IFI16: variants seen among roughly 807,000 people sequenced by gnomAD.
IFI16 encodes gamma-interferon-inducible protein 16.
IFI16 carries 49 observed loss-of-function variants against 68.4 expected under a neutral mutation model. The ratio of observed to expected loss-of-function variants is 0.72; its 90% CI spans 0.57 to 0.91. IFI16 has a LOEUF of 0.91. IFI16 is among the 40% of genes least tolerant of loss of function. The pLI, the probability that IFI16 is intolerant of heterozygous loss-of-function variation, is 0.00. For synonymous variants in IFI16, 307 were observed against 315.0 expected, an observed-to-expected ratio of 0.97 and a Z score of 0.27; for missense variants, 878 against 942.9, an observed-to-expected ratio of 0.93 and a Z score of 0.90.
In IFI16 at chr1:159,014,765, C is replaced by A; in HGVS notation, c.85C>A (p.Leu29Met). The A allele has an allele frequency of 6.2e-7, 1 of 1,612,018 alleles. No individual in the cohort carries two copies. The change falls in exon 2 of 12, where the codon CTG (leucine) becomes ATG (methionine). Residue 29 changes from leucine to methionine, a missense_variant. Around this residue, in one of 4 missense-constraint regions of IFI16, gnomAD observed 65 missense variants for 96.9 expected, o/e 0.67. Transcript: ENST00000295809. ...TCATTTTAGAATGGTTAAGTCCTTA[C>A]TGAGCAACGATTTAAAACTTAATTT... Reference protein sequence around the residue: ...DYHFRMVKSLLSNDLKLNLKM... With the variant: ...DYHFRMVKSLMSNDLKLNLKM...
intron 1 of IFI16, among the ~76,000 whole-genome samples, chr1:159,013,323 C>T (rs1401324844): frequency 6.6e-6 from 1 of 151,874 alleles, no homozygotes; most frequent in Non-Finnish European, 1.5e-5. Context: ...CGCTTGCCAC[C>T]ACACCTGGCT....
chr1:159,052,454 A>G, intron 10 of IFI16: 2 of 185,926 alleles, frequency 1.1e-5, no homozygotes, highest in East Asian at 2.6e-4. Context: ...CTCCATCTGT[A>G]TCAATGACAA....
Position 159,054,851 on chromosome 1 carries a change from A to G in IFI16, c.2308A>G (p.Ile770Val), listed in dbSNP as rs1460959396. The G allele has an allele frequency of 1.9e-6, 3 of 1,604,834 alleles. No homozygotes were observed. The highest frequency in any genetic ancestry group is 2.6e-6 in the Non-Finnish European group (3 of 1,173,278). ...VIKTRKNKKD[I>V]LNPDSSMETS... ...CAAGACCAGGAAAAACAAGAAAGAC[A>G]TACTCAATCCTGATTCAAGTATGGA... The change falls in exon 12 of 12, where the codon ATA becomes GTA. Residue 770 changes from isoleucine to valine, a missense_variant. By Grantham distance (29) the Ile-to-Val change is conservative. This residue lies in a region of IFI16 where 311 missense variants were observed against 305.1 expected (regional missense o/e 1.02). Transcript: ENST00000295809.
chr1:159,027,061 T>C (rs1246963658), intron 6 of IFI16, among the ~76,000 whole-genome samples: 1 of 152,222 alleles, frequency 6.6e-6, no homozygotes, highest in Non-Finnish European at 1.5e-5. Context: ...TCCATTACTA[T>C]GTTGAATAGA....
intron 7 of IFI16, among the ~76,000 whole-genome samples, chr1:159,037,593 T>C (rs1333259922): frequency 6.6e-6 from 1 of 152,216 alleles, no homozygotes; most frequent in Non-Finnish European, 1.5e-5. Context: ...AATCAGCTAC[T>C]ATATTAAAAT....
intron 8 of IFI16, among the ~76,000 whole-genome samples, chr1:159,045,995 G>T (rs1050730634): frequency 6.6e-6 from 1 of 151,130 alleles, no homozygotes; most frequent in African/African-American, 2.4e-5. Context: ...TTCTCTCAGA[G>T]TAAATCACAT....
In IFI16 at chr1:159,051,671, C is replaced by T. The variant is rs751568876; in HGVS notation, c.1666-8C>T. ...ATTGTGCCTATGTTTTGGTCTCTAC[C>T]TTCTAAGTTGAAACCAAGACTGAAG... On this transcript the variant is annotated splice_region_variant and splice_polypyrimidine_tract_variant and intron_variant, in intron 9 of 11. Transcript: ENST00000295809. 6.2e-7 allele frequency: 1 copy of T among 1,603,248 alleles called. No individual in the cohort carries two copies. Among genetic ancestry groups the T allele is most frequent in the South Asian group, 1.1e-5 (1 of 90,360 alleles).
intron 6 of IFI16, among the ~76,000 whole-genome samples, chr1:159,029,390 C>T (rs1212760603): frequency 6.6e-6 from 1 of 152,144 alleles, no homozygotes; most frequent in African/African-American, 2.4e-5. Context: ...TTATAAATTA[C>T]CTGATACTTT....
In IFI16 at chr1:159,014,797, G is replaced by T; in HGVS notation, c.117G>T (p.Met39Ile). Reference sequence around the variant, plus strand: ...ACGATTTAAAACTTAATTTAAAAATGAGAGAAGAGTATGACAAAATTCAGA... The same window carrying T: ...ACGATTTAAAACTTAATTTAAAAATTAGAGAAGAGTATGACAAAATTCAGA... ...LSNDLKLNLK[M>I]REEYDKIQIA... Residue 39 changes from methionine to isoleucine, a missense_variant, in exon 2 of 12, where the codon ATG (methionine) becomes ATT (isoleucine). Physicochemically the swap from Met to Ile is conservative, Grantham distance 10 (BLOSUM62 1). Transcript: ENST00000295809. 1.2e-6 allele frequency: 2 copies of T among 1,613,964 alleles called. No homozygotes were observed. Among genetic ancestry groups the T allele is most frequent in the Non-Finnish European group, 1.7e-6 (2 of 1,179,822 alleles).
chr1:159,020,930 A>G (rs1170029491), intron 6 of IFI16, among the ~76,000 whole-genome samples: 2 of 152,114 alleles, frequency 1.3e-5, no homozygotes, highest in Non-Finnish European at 2.9e-5. Context: ...CCATAAAAAT[A>G]CCTAATTTGA....
At chr1:159,036,561 C>T (rs2101885417) in intron 7 of IFI16, among the ~76,000 whole-genome samples, 1 of 152,170 alleles carries the variant, frequency 6.6e-6, no homozygotes, top group East Asian at 1.9e-4. Flanking sequence ...CTTCCAAAGT[C>T]AGAATATAGA....
At chr1:159,019,300 T>C (rs1283085701) in intron 5 of IFI16, among the ~76,000 whole-genome samples, 1 of 151,802 alleles carries the variant, frequency 6.6e-6, no homozygotes, top group Non-Finnish European at 1.5e-5. Flanking sequence ...TTTCCTGATA[T>C]GTTCCTGTCC....
In IFI16 at chr1:159,018,452, T is replaced by G; in HGVS notation, c.773T>G (p.Ile258Ser). 6.2e-7 allele frequency: 1 copy of G among 1,613,444 alleles called. No individual in the cohort carries two copies. Among genetic ancestry groups the G allele is most frequent in the Non-Finnish European group, 8.5e-7 (1 of 1,179,394 alleles). Residue 258 changes from isoleucine to serine, a missense_variant, in exon 5 of 12, where the codon ATC becomes AGC. Physicochemically the swap from Ile to Ser is moderately radical, Grantham distance 142. Around this residue, in one of 4 missense-constraint regions of IFI16, gnomAD observed 443 missense variants for 421.8 expected, o/e 1.05. Coordinates refer to ENST00000295809, the MANE Select transcript of IFI16 (RefSeq NM_001376587.1). ...SLKEKFNGKKIIIISDYLEYD... is the reference protein window; with the variant it reads ...SLKEKFNGKKSIIISDYLEYD... ...AAGGAGAAATTCAATGGAAAGAAAA[T>G]CATCATCATATCAGATTATTTGGAA...
At chr1:159,026,328 G>C (rs1484145406) in intron 6 of IFI16, among the ~76,000 whole-genome samples, 4 of 143,310 alleles carry the variant, frequency 2.8e-5, no homozygotes, top group African/African-American at 1.0e-4. Flanking sequence ...ACGAAGTCTC[G>C]CTCTTGTCCC....
chr1:159,032,400 G>T, intron 6 of IFI16, 124 bp from the exon 7 acceptor site: 1 of 564,144 alleles, frequency 1.8e-6, no homozygotes. Context: ...ACATTAGAGA[G>T]AGACCATGTT....
rs1280725270 is a variant in IFI16, at chr1:159,040,152, A to G, written c.1330-5145A>G. Among the ~76,000 whole-genome samples, 3 of 152,380 alleles carry G rather than the reference A, an allele frequency of 2.0e-5. No homozygotes were observed. In the East Asian group the frequency reaches 5.8e-4, roughly 29 times the overall value. On this transcript the variant is annotated intron_variant, in intron 7 of 11. Transcript: ENST00000295809. ...GTCAAGAGAATGGGTAAATTAGGGA[A>G]CATGATGTTGAATTGAAATTAAATA...
intron 9 of IFI16, among the ~76,000 whole-genome samples, 195 bp downstream of exon 9, chr1:159,049,794 A>C (rs1217519974): frequency 6.6e-6 from 1 of 152,194 alleles, no homozygotes; most frequent in Non-Finnish European, 1.5e-5. Context: ...TCTCTATTCC[A>C]TAACAGGTAT....
intron 10 of IFI16, 51 bp from the exon 11 acceptor site, chr1:159,053,482 T>A: frequency 7.5e-7 from 1 of 1,341,388 alleles, no homozygotes. Context: ...CTCATAGATT[T>A]GAAAATTATT....
At chr1:159,001,715 G>A (rs946252044), upstream of IFI16, among the ~76,000 whole-genome samples, 4 of 151,930 alleles carry the variant, frequency 2.6e-5, no homozygotes, top group Non-Finnish European at 5.9e-5. Flanking sequence ...ACCCTATTAC[G>A]TGCTAACATT....
Sources: allele counts gnomAD v4.1 joint callset (sites outside exome capture counted in the v4.1 genomes callset), GRCh38; gene constraint gnomAD v4.1.1; regional missense constraint gnomAD v4.1.1; transcripts MANE v1.5; gene names NCBI Gene and HGNC (gene_info 2026-07-23, HGNC 2026-07-21).